Variants in PTPRD observed in about 807,000 individuals in gnomAD.
PTPRD encodes the protein protein tyrosine phosphatase receptor type D.
A neutral mutation model predicts 214.5 loss-of-function variants in PTPRD; 34 were observed. The observed-to-expected ratio is 0.16, with a 90% CI of 0.12 to 0.21. PTPRD has a LOEUF of 0.21. PTPRD is among the 10% of genes least tolerant of loss of function. PTPRD has a pLI of 1.00. For missense variants in PTPRD, 2,545 were observed against 2,398.7 expected (o/e 1.06, Z -1.27); for synonymous variants, 1,128 against 845.7 (o/e 1.33, Z -5.79).
chr9:9,888,920 CCTAA>C (rs1193611451), intron 5 of PTPRD, among the ~76,000 whole-genome samples: 4 of 152,056 alleles, frequency 2.6e-5, no homozygotes, highest in African/African-American at 9.7e-5. Context: ...AAAGGCAAAC[CCTAA>C]CTGTTTAGAA....
At chr9:10,042,309 A>ATAT (rs1298895723) in intron 3 of PTPRD, among the ~76,000 whole-genome samples, 1 of 151,964 alleles carries the variant, frequency 6.6e-6, no homozygotes, top group Non-Finnish European at 1.5e-5. Flanking sequence ...AGGCATGCGG[A>ATAT]GATAGAAGAC....
chr9:9,198,062 T>G (rs1295165604), intron 9 of PTPRD, among the ~76,000 whole-genome samples: 2 of 152,240 alleles, frequency 1.3e-5, no homozygotes, highest in Non-Finnish European at 2.9e-5. Context: ...TTTTTAACCA[T>G]GTATAAGGAA....
At chr9:8,562,664 T>C (rs946214030) in intron 14 of PTPRD, among the ~76,000 whole-genome samples, 13 of 152,106 alleles carry the variant, frequency 8.5e-5, no homozygotes, top group African/African-American at 2.7e-4. Context: ...TTCAAACTCC[T>C]GAGCTCAAGT....
chr9:8,732,617 T>C (rs1276368212), intron 12 of PTPRD, among the ~76,000 whole-genome samples: 1 of 152,236 alleles, frequency 6.6e-6, no homozygotes, highest in Admixed American at 6.5e-5. Context: ...CAAGTGCTAA[T>C]TAGGAAACTA....
intron 44 of PTPRD, among the ~76,000 whole-genome samples, chr9:8,324,014 C>A (rs984870562): frequency 1.3e-5 from 2 of 151,900 alleles, no homozygotes; most frequent in African/African-American, 4.8e-5. Context: ...CACCGCCCAT[C>A]GATTAGTCAG....
chr9:8,728,744 C>G (rs1201456577), intron 12 of PTPRD, among the ~76,000 whole-genome samples: 1 of 152,132 alleles, frequency 6.6e-6, no homozygotes, highest in Non-Finnish European at 1.5e-5. Flanking sequence ...CTTTAGGAGG[C>G]TGAGGCAAGT....
At chr9:9,060,474 A>G (rs1442702264) in intron 10 of PTPRD, among the ~76,000 whole-genome samples, 1 of 152,172 alleles carries the variant, frequency 6.6e-6, no homozygotes, top group Non-Finnish European at 1.5e-5. Context: ...AAAATACATT[A>G]AACATAAAAA....
intron 11 of PTPRD, among the ~76,000 whole-genome samples, chr9:8,746,843 A>G (rs975445486): frequency 6.6e-6 from 1 of 152,134 alleles, no homozygotes; most frequent in African/African-American, 2.4e-5. Flanking sequence ...ACAAACAAAC[A>G]AAATTTATCT....
chr9:9,018,079 T>G (rs1286166104), intron 11 of PTPRD, among the ~76,000 whole-genome samples: 1 of 152,148 alleles, frequency 6.6e-6, no homozygotes. Context: ...TCTTTATTAT[T>G]TTCAGTTCTT....
intron 39 of PTPRD, among the ~76,000 whole-genome samples, chr9:8,354,904 G>C (rs765052629): frequency 6.6e-6 from 1 of 152,162 alleles, no homozygotes; most frequent in Non-Finnish European, 1.5e-5. Flanking sequence ...TTTTATTCAT[G>C]AAACATTAGC....
At chr9:9,130,882 A>G (rs1272725429) in intron 10 of PTPRD, among the ~76,000 whole-genome samples, 1 of 152,208 alleles carries the variant, frequency 6.6e-6, no homozygotes, top group African/African-American at 2.4e-5. Flanking sequence ...TTACTTACGA[A>G]TCAAATGTCC....
At chr9:9,251,539 T>C (rs1052954591) in intron 9 of PTPRD, among the ~76,000 whole-genome samples, 2 of 152,136 alleles carry the variant, frequency 1.3e-5, no homozygotes, top group Non-Finnish European at 2.9e-5. Flanking sequence ...CTCTGTCAAT[T>C]GACCTACAGT....
At chr9:9,247,848 C>T (rs1283323991) in intron 9 of PTPRD, among the ~76,000 whole-genome samples, 5 of 152,056 alleles carry the variant, frequency 3.3e-5, no homozygotes, top group Non-Finnish European at 7.4e-5. Flanking sequence ...TTCTGATGCA[C>T]ATTGAAGTTT....
At chr9:9,608,025 A>G (rs1156985284) in intron 7 of PTPRD, among the ~76,000 whole-genome samples, 2 of 152,212 alleles carry the variant, frequency 1.3e-5, no homozygotes, top group African/African-American at 4.8e-5. Flanking sequence ...ATCAGACTCC[A>G]CTGCTTACTA....
intron 2 of PTPRD, among the ~76,000 whole-genome samples, chr9:10,549,352 A>G (rs1477425119): frequency 6.6e-6 from 1 of 152,148 alleles, no homozygotes; most frequent in African/African-American, 2.4e-5. Flanking sequence ...GATTCCGATG[A>G]AGGATTAGCT....
chr9:8,618,353 A>C (rs1172583280), intron 14 of PTPRD, among the ~76,000 whole-genome samples: 2 of 152,152 alleles, frequency 1.3e-5, no homozygotes, highest in Non-Finnish European at 2.9e-5. Flanking sequence ...GTACCTTTCA[A>C]TTAGCTCAGC....
intron 11 of PTPRD, among the ~76,000 whole-genome samples, chr9:8,767,859 G>A (rs921946602): frequency 6.6e-5 from 10 of 151,992 alleles, no homozygotes; most frequent in African/African-American, 2.4e-4. Context: ...TTAAGTTACA[G>A]TAAAAAGAAA....
At chr9:8,503,060 G>A (rs554507235) in intron 23 of PTPRD, among the ~76,000 whole-genome samples, 16 of 151,952 alleles carry the variant, frequency 1.1e-4, no homozygotes, top group African/African-American at 3.6e-4. Context: ...TTAAATGAAA[G>A]AAAATTTTAT....
chr9:9,180,184 C>T (rs2099927363), intron 10 of PTPRD, among the ~76,000 whole-genome samples: 1 of 151,510 alleles, frequency 6.6e-6, no homozygotes, highest in South Asian at 2.1e-4. Context: ...ATAGCAAAGA[C>T]TTGGAACCAA....
Sources: gnomAD v4.1 joint callset for allele counts (sites outside exome capture counted in the v4.1 genomes callset) on GRCh38, gnomAD v4.1.1 for gene constraint, MANE v1.5 for transcripts, NCBI Gene and HGNC (gene_info 2026-07-23, HGNC 2026-07-21) for gene names.